The following CPVL variants were observed in gnomAD, a reference collection of about 807,000 sequenced individuals.
CPVL encodes probable serine carboxypeptidase CPVL.
A neutral mutation model predicts 63.7 loss-of-function variants in CPVL; 51 were observed. The observed-to-expected ratio is 0.80, with a 90% CI of 0.64 to 1.01. CPVL has a LOEUF of 1.01. CPVL is among the 50% of genes least tolerant of loss of function. The pLI, the probability that CPVL is intolerant of heterozygous loss-of-function variation, is 0.00. For missense variants in CPVL, 530 were observed against 573.1 expected, an observed-to-expected ratio of 0.92 and a Z score of 0.77; for synonymous variants, 195 against 206.0, an observed-to-expected ratio of 0.95 and a Z score of 0.46.
At chr7:29,030,256 T>C (rs1787895352) in intron 12 of CPVL, among the ~76,000 whole-genome samples, 1 of 152,192 alleles carries the variant, frequency 6.6e-6, no homozygotes, top group African/African-American at 2.4e-5. Context: ...AAACTTCCTT[T>C]ATAATTTGCC....
chr7:29,027,953 T>C (rs1787657484), intron 12 of CPVL, among the ~76,000 whole-genome samples: 1 of 152,142 alleles, frequency 6.6e-6, no homozygotes, highest in African/African-American at 2.4e-5. Context: ...CCAATGGCAT[T>C]TGTCACAGAA....
intron 7 of CPVL, among the ~76,000 whole-genome samples, chr7:29,074,684 G>T (rs1169566183): frequency 6.6e-6 from 1 of 151,524 alleles, no homozygotes; most frequent in Non-Finnish European, 1.5e-5. Flanking sequence ...GAGTTCTCAC[G>T]AGAGCTGATG....
At chr7:29,053,785 G>C (rs1252314431) in intron 11 of CPVL, among the ~76,000 whole-genome samples, 4 of 151,594 alleles carry the variant, frequency 2.6e-5, no homozygotes, top group African/African-American at 9.7e-5. Flanking sequence ...GGCTGCAATG[G>C]CTCACACCTG....
chr7:29,130,082 T>C (rs1356782782), intron 1 of CPVL, among the ~76,000 whole-genome samples: 2 of 152,198 alleles, frequency 1.3e-5, no homozygotes, highest in Non-Finnish European at 2.9e-5. Flanking sequence ...AATAAATTTC[T>C]GTTAAGTTAC....
chr7:29,069,802 G>A (rs1224782586), intron 9 of CPVL, among the ~76,000 whole-genome samples: 4 of 131,598 alleles, frequency 3.0e-5, no homozygotes, highest in Non-Finnish European at 7.1e-5. Context: ...GTGTGTGTGT[G>A]TGTGTGTGTG....
At chr7:29,104,590 T>C (rs988563913) in intron 3 of CPVL, among the ~76,000 whole-genome samples, 1 of 152,194 alleles carries the variant, frequency 6.6e-6, no homozygotes, top group African/African-American at 2.4e-5. Context: ...TGAGGCCTTC[T>C]TGCATCATTC....
chr7:29,087,648 T>C (rs983251839), intron 6 of CPVL, among the ~76,000 whole-genome samples: 2 of 151,868 alleles, frequency 1.3e-5, no homozygotes, highest in African/African-American at 4.8e-5. Flanking sequence ...CTAGGGGAGG[T>C]TGTTGGCCCA....
At chr7:29,052,955 A>G (rs1226214471) in intron 11 of CPVL, among the ~76,000 whole-genome samples, 2 of 152,160 alleles carry the variant, frequency 1.3e-5, no homozygotes, top group African/African-American at 4.8e-5. Context: ...AATAATAAAA[A>G]ACAAATAACC....
intron 1 of CPVL, among the ~76,000 whole-genome samples, chr7:29,140,190 G>A (rs140059823): frequency 0.024 from 3,713 of 152,168 alleles, 61 homozygotes; most frequent in Middle Eastern, 0.061. Context: ...TTGTAATCCC[G>A]GCACTTTAGG....
chr7:29,181,866 G>A (rs935859558), intron 4 of CPVL, among the ~76,000 whole-genome samples: 4 of 151,906 alleles, frequency 2.6e-5, no homozygotes, highest in Non-Finnish European at 5.9e-5. Context: ...CCTAAGGGGG[G>A]GAAAAGTACC....
At chr7:29,102,580 T>C (rs1039247548) in intron 3 of CPVL, among the ~76,000 whole-genome samples, 1 of 152,152 alleles carries the variant, frequency 6.6e-6, no homozygotes, top group Non-Finnish European at 1.5e-5. Context: ...AAAAAAGTTC[T>C]AAATATTAAA....
chr7:29,085,884 G>A (rs556042914), intron 7 of CPVL, among the ~76,000 whole-genome samples: 1 of 152,144 alleles, frequency 6.6e-6, no homozygotes, highest in African/African-American at 2.4e-5. Flanking sequence ...CACCTGGCCT[G>A]GACTCTTCAA....
intron 1 of CPVL, among the ~76,000 whole-genome samples, chr7:29,190,111 A>G (rs1782702456): frequency 6.6e-6 from 1 of 152,246 alleles, no homozygotes; most frequent in Admixed American, 6.5e-5. Flanking sequence ...CGCCTGCCTC[A>G]GAAGAGCCAA....
intron 4 of CPVL, among the ~76,000 whole-genome samples, chr7:29,095,603 A>C (rs1019518718): frequency 6.6e-6 from 1 of 152,068 alleles, no homozygotes; most frequent in African/African-American, 2.4e-5. Context: ...TAAAAAAAAA[A>C]AAAAACAAAA....
intron 12 of CPVL, among the ~76,000 whole-genome samples, chr7:29,023,768 C>T (rs767113792): frequency 6.6e-6 from 1 of 152,174 alleles, no homozygotes; most frequent in African/African-American, 2.4e-5. Flanking sequence ...CTGAAGACTA[C>T]ATTACTGTGC....
At position 29,195,145 on chromosome 7, in the gene CPVL, A is replaced by G. The variant is rs1783513729; in HGVS notation, c.-516T>C. 11 of 703,048 alleles carry G rather than the reference A, an allele frequency of 1.6e-5. 1 individual carries two copies. Among genetic ancestry groups the G allele is most frequent in the Middle Eastern group, 4.0e-4 (1 of 2,506 alleles). The allele number at this position is 703,048 out of a possible 1,614,324, so 43.6% of individuals were successfully genotyped here. A position where few individuals can be genotyped will look rare whatever the true frequency, so the allele number is the denominator to read the frequency against. On this transcript the variant is annotated 5_prime_UTR_variant, in exon 1 of 17. Transcript: ENST00000409850. ...CGGGGTGATACTTGTTTGGTTCGCC[A>G]GCACCTCGGTGCCCAGAGCACCTCC...
At chr7:29,136,227 C>T (rs1791211021) in intron 1 of CPVL, among the ~76,000 whole-genome samples, 1 of 152,146 alleles carries the variant, frequency 6.6e-6, no homozygotes, top group Non-Finnish European at 1.5e-5. Flanking sequence ...AAGGATATTA[C>T]AGTTCTGTCA....
chr7:29,075,744 CTTTT>C (rs11298240), intron 7 of CPVL, among the ~76,000 whole-genome samples: 6 of 147,694 alleles, frequency 4.1e-5, no homozygotes, highest in South Asian at 2.2e-4. Flanking sequence ...ATGATCTTAG[CTTTT>C]TTTTTTTTTT....
intron 2 of CPVL, among the ~76,000 whole-genome samples, chr7:29,185,851 A>G (rs138460983): frequency 4.4e-4 from 67 of 152,288 alleles, no homozygotes; most frequent in African/African-American, 1.6e-3. Flanking sequence ...AGCAAGACCA[A>G]TATGTAGATA....
Sources: gnomAD v4.1 joint callset for allele counts (sites outside exome capture counted in the v4.1 genomes callset) on GRCh38, gnomAD v4.1.1 for gene constraint, MANE v1.5 for transcripts, NCBI Gene and HGNC (gene_info 2026-07-23, HGNC 2026-07-21) for gene names.